Variants in MTCL1 observed in about 807,000 individuals in gnomAD.
MTCL1 encodes microtubule crosslinking factor 1, also known as microtubule cross-linking factor 1.
MTCL1 carries 79 observed loss-of-function variants against 141.4 expected under a neutral mutation model. The ratio of observed to expected loss-of-function variants is 0.56; its 90% CI spans 0.47 to 0.67. The LOEUF (loss-of-function observed/expected upper bound fraction) is 0.67. MTCL1 is among the 30% of genes least tolerant of loss of function. The probability of loss-of-function intolerance (pLI) is 0.00; values close to 1 mark genes in which losing one functional copy is unlikely to be tolerated. For synonymous variants in MTCL1, 914 were observed against 875.8 expected (o/e 1.04, Z -0.77); for missense variants, 2,177 against 2,113.9 (o/e 1.03, Z -0.59).
chr18:8,717,785 C>T (rs948768923), intron 1 of MTCL1: 54 of 514,252 alleles, frequency 1.1e-4, no homozygotes, highest in Non-Finnish European at 1.3e-4. Context: ...CCCCTGTATT[C>T]AGGGTGCATT....
intron 1 of MTCL1, chr18:8,707,442 G>C (rs1009723451): frequency 2.0e-5 from 3 of 152,578 alleles, no homozygotes; most frequent in Admixed American, 6.5e-5. Flanking sequence ...AGTATTTTCC[G>C]GCAGGGCCTG....
intron 10 of MTCL1, chr18:8,800,591 A>C (rs2076086431): frequency 6.6e-6 from 1 of 152,246 alleles, no homozygotes; most frequent in Non-Finnish European, 1.5e-5. Flanking sequence ...AGCCACAGTG[A>C]ATGCTTTCAG....
intron 4 of MTCL1, among the ~76,000 whole-genome samples, chr18:8,744,442 T>G (rs1306252072): frequency 6.6e-6 from 1 of 152,246 alleles, no homozygotes; most frequent in East Asian, 1.9e-4. Context: ...TTCATCCCCT[T>G]GGAACATTAA....
chr18:8,746,380 C>T (rs1203374979), intron 4 of MTCL1, among the ~76,000 whole-genome samples: 2 of 151,792 alleles, frequency 1.3e-5, no homozygotes, highest in Admixed American at 1.3e-4. Flanking sequence ...AATTTCTCCA[C>T]ATCCTTGCCA....
In MTCL1 at chr18:8,730,342, G is replaced by A. The variant is rs12607615; in HGVS notation, c.357+9846G>A. On this transcript the variant is annotated intron_variant, in intron 4 of 16. Transcript: ENST00000359865. Reference sequence around the variant, plus strand: ...CTACACAGCCCCGTCCTTATGAAACGCTGGATAAATATTTGTTCCATGGGT... The same window carrying A: ...CTACACAGCCCCGTCCTTATGAAACACTGGATAAATATTTGTTCCATGGGT... Among the ~76,000 whole-genome samples, 150 of 152,180 alleles carry A rather than the reference G, an allele frequency of 9.9e-4. 2 individuals are homozygous for A. The East Asian group carries it at 0.028, about 28-fold the overall frequency.
Position 8,822,723 on chromosome 18 carries a change from C to CAT in MTCL1, c.3188+1226_3188+1227insTA, listed in dbSNP as rs1333781564. 1.4e-4 allele frequency among the ~76,000 whole-genome samples: 21 copies of CAT among 151,816 alleles called. No individual in the cohort carries two copies. The highest frequency in any genetic ancestry group is 4.8e-4 in the African/African-American group (20 of 41,318). On this transcript the variant is annotated intron_variant, in intron 14 of 16. Transcript: ENST00000359865. The surrounding 1 kb of genome is among the most constrained non-coding windows in gnomAD (Gnocchi z 4.6). The stretch of plus-strand genomic sequence containing the variant: ...TTTTTGCAGCTTATGTATGTTAATA[C>CAT]ACATAATGAAAGCAGCACATGGCAC...
chr18:8,732,436 G>T (rs1186126770), intron 4 of MTCL1, among the ~76,000 whole-genome samples: 7 of 152,074 alleles, frequency 4.6e-5, no homozygotes, highest in Admixed American at 6.6e-5. Flanking sequence ...TTATCTTCAA[G>T]TGCAGAATCA....
chr18:8,756,409 G>GTATATGTGTA (rs1404125979), intron 4 of MTCL1, among the ~76,000 whole-genome samples: 4 of 147,962 alleles, frequency 2.7e-5, no homozygotes, highest in Non-Finnish European at 4.5e-5. Flanking sequence ...ATATATGTGT[G>GTATATGTGTA]TATATGTGTA....
intron 4 of MTCL1, among the ~76,000 whole-genome samples, chr18:8,757,017 G>A (rs1313979549): frequency 2.0e-5 from 3 of 152,200 alleles, no homozygotes; most frequent in Non-Finnish European, 4.4e-5. Flanking sequence ...GTCAGCCAGA[G>A]AGCTACAAGG....
At chr18:8,819,049 A>T (rs1321582549) in exon 13 of MTCL1, 4 of 1,614,134 alleles carry the variant, frequency 2.5e-6, no homozygotes, top group Non-Finnish European at 3.4e-6. Context: ...CCCACCAGGG[A>T]AGCCTCCGCA....
chr18:8,780,773 G>A (rs1001140020), intron 5 of MTCL1, among the ~76,000 whole-genome samples: 1 of 152,186 alleles, frequency 6.6e-6, no homozygotes. Context: ...AGGTGCTTGT[G>A]TTTGCTGTAC....
intron 4 of MTCL1, among the ~76,000 whole-genome samples, chr18:8,756,959 A>G (rs145696908): frequency 8.5e-5 from 13 of 152,346 alleles, no homozygotes; most frequent in African/African-American, 2.9e-4. Context: ...AGGGCACTGC[A>G]GACACCCTAG....
At chr18:8,781,161 C>T (rs561581176) in intron 5 of MTCL1, among the ~76,000 whole-genome samples, 69 of 124,740 alleles carry the variant, frequency 5.5e-4, no homozygotes, top group African/African-American at 2.1e-3. Flanking sequence ...GTGCAGACTC[C>T]AGAGCAAGAC....
intron 4 of MTCL1, among the ~76,000 whole-genome samples, chr18:8,746,128 C>G (rs1257402413): frequency 6.6e-6 from 1 of 152,156 alleles, no homozygotes; most frequent in Non-Finnish European, 1.5e-5. Context: ...TTGAGTTGAT[C>G]TGTTTATCCA....
intron 4 of MTCL1, among the ~76,000 whole-genome samples, chr18:8,737,504 G>T (rs539235266): frequency 3.5e-4 from 53 of 152,326 alleles, no homozygotes; most frequent in African/African-American, 1.2e-3. Flanking sequence ...GGCCATCAGG[G>T]TGCATGTTCT....
Position 8,818,664 on chromosome 18 carries a change from T to C in MTCL1, c.2860-299T>C, listed in dbSNP as rs2076740576. Among the ~76,000 whole-genome samples the C allele has an allele frequency of 2.6e-5, 4 of 152,350 alleles. No individual in the cohort carries two copies. The South Asian group carries it at 8.3e-4, about 32-fold the overall frequency. On this transcript the variant is annotated intron_variant, in intron 12 of 16. Coordinates refer to ENST00000359865, the Ensembl canonical transcript of MTCL1. The stretch of plus-strand genomic sequence containing the variant: ...ATAGTAATAAATGTAAAATTTCCCA[T>C]GAGCACAACACTCAGAGTTATGTAC...
chr18:8,742,366 GTAATTTA>G (rs1436956016), intron 4 of MTCL1, among the ~76,000 whole-genome samples: 1 of 152,134 alleles, frequency 6.6e-6, no homozygotes, highest in Non-Finnish European at 1.5e-5. Flanking sequence ...CTGAGACTGG[GTAATTTA>G]TAAAGGAGAG....
intron 4 of MTCL1, among the ~76,000 whole-genome samples, chr18:8,738,576 G>A (rs568807871): frequency 1.3e-5 from 2 of 152,216 alleles, no homozygotes; most frequent in Admixed American, 1.3e-4. Context: ...GAGAACAAAG[G>A]TGTGGCATTT....
At chr18:8,783,843 G>A in exon 6 of MTCL1, 2 of 1,613,064 alleles carry the variant, frequency 1.2e-6, no homozygotes, top group Non-Finnish European at 1.7e-6. Flanking sequence ...GACATGCGGG[G>A]CCAGCAGGAG....
Sources: gnomAD v4.1 joint callset for allele counts (sites outside exome capture counted in the v4.1 genomes callset) on GRCh38, gnomAD v4.1.1 for gene constraint, Gnocchi (gnomAD v3.1) non-coding constraint, MANE v1.5 for transcripts, NCBI Gene and HGNC (gene_info 2026-07-23, HGNC 2026-07-21) for gene names.